Variants in TCF20 observed in about 807,000 individuals in gnomAD.
TCF20 encodes transcription factor 20.
A neutral mutation model predicts 148.6 loss-of-function variants in TCF20; 3 were observed. The observed-to-expected ratio is 0.02, with a 90% confidence interval of 0.01 to 0.05. The LOEUF (loss-of-function observed/expected upper bound fraction) is 0.05. Among genes scored for constraint, TCF20 ranks in the 10% least tolerant of loss-of-function variants. The pLI is 1.00. For missense variants in TCF20, 2,350 were observed against 2,429.3 expected (o/e 0.97, Z 0.69); for synonymous variants, 1,049 against 909.5 (o/e 1.15, Z -2.76).
At chr22:42,222,488 A>ACC (rs55916969) in intron 1 of TCF20, among the ~76,000 whole-genome samples, 3 of 150,670 alleles carry the variant, frequency 2.0e-5, no homozygotes, top group Non-Finnish European at 4.4e-5. Context: ...ACACCATCAC[A>ACC]CCCCCCCATA....
At position 42,214,727 on chromosome 22, in the gene TCF20, G is replaced by C; in HGVS notation, c.579C>G (p.Pro193=). The C allele has an allele frequency of 6.2e-7, 1 of 1,614,062 alleles. No homozygotes were observed. Among genetic ancestry groups the C allele is most frequent in the Non-Finnish European group, 8.5e-7 (1 of 1,180,034 alleles). The change falls in exon 2 of 6, where the codon CCC becomes CCG. Residue 193 remains proline (P), a synonymous_variant. Coordinates refer to ENST00000677622, the MANE Select transcript of TCF20 (RefSeq NM_001378418.1). ...CTGGTTGGCCAGTGGCCTGTGGCAG[G>C]GGCTGATGGGACTGGTAAAGCTGTT... The part of the protein sequence containing the change: ...LRQQLYQSHQ[P]LPQATGQPAS...
In TCF20 at chr22:42,211,091, T is replaced by C. The variant is rs747094395; in HGVS notation, c.4215A>G (p.Ile1405Met). 7 of 1,614,068 alleles carry C rather than the reference T, an allele frequency of 4.3e-6. No individual in the cohort carries two copies. The highest frequency in any genetic ancestry group is 1.6e-4 in the Middle Eastern group (1 of 6,084). Residue 1405 changes from isoleucine to methionine, a missense_variant, in exon 2 of 6, where the codon ATA becomes ATG. Ile to Met is a conservative substitution (Grantham distance 10, BLOSUM62 1). Transcript: ENST00000677622. ...AAGCCACCTCACCTTTTCTCTTCTC[T>C]ATGTCAGCATCCTGAACAGCAACAC... ...GGSVAVQDAD[I>M]EKRKGEVASD...
intron 1 of TCF20, among the ~76,000 whole-genome samples, chr22:42,244,774 T>C (rs1195466946): frequency 6.6e-6 from 1 of 152,008 alleles, no homozygotes; most frequent in Non-Finnish European, 1.5e-5. Flanking sequence ...GTCACGTGAA[T>C]TTCATATCAA....
intron 1 of TCF20, among the ~76,000 whole-genome samples, chr22:42,269,524 G>A (rs1267878849): frequency 6.6e-6 from 1 of 152,246 alleles, no homozygotes. Context: ...TGCACCTCCC[G>A]CCGTAGCCTG....
rs1921597288 is a variant in TCF20, at chr22:42,215,127, C to T, written c.179G>A (p.Arg60Gln). The T allele has an allele frequency of 3.1e-6, 5 of 1,614,074 alleles. No individual in the cohort carries two copies. Among genetic ancestry groups the T allele is most frequent in the Non-Finnish European group, 4.2e-6 (5 of 1,179,992 alleles). The stretch of plus-strand genomic sequence containing the variant: ...CGCTGCCGCAGCAGCTGCTGCTCCT[C>T]GTCGTCCACCACCACTGCCACTGCC... ...SSGSGSGGGRRGAAAAAAAMA... is the reference protein window; with the variant it reads ...SSGSGSGGGRQGAAAAAAAMA... The change falls in exon 2 of 6, where the codon CGA becomes CAA. Residue 60 changes from arginine to glutamine, a missense_variant. Physicochemically the swap from Arg to Gln is conservative, Grantham distance 43. Transcript: ENST00000677622.
At chr22:42,257,750 A>C (rs1167640975) in intron 1 of TCF20, among the ~76,000 whole-genome samples, 1 of 152,168 alleles carries the variant, frequency 6.6e-6, no homozygotes, top group African/African-American at 2.4e-5. Flanking sequence ...CTCTGGCTGG[A>C]GTTGAGAAGA....
At chr22:42,221,832 G>A (rs1031490187) in intron 1 of TCF20, among the ~76,000 whole-genome samples, 7 of 140,088 alleles carry the variant, frequency 5.0e-5, no homozygotes, top group Non-Finnish European at 9.1e-5. Context: ...TCCGCCTCCC[G>A]GGTTCACGTC....
At chr22:42,250,111 G>A (rs1290207227) in intron 1 of TCF20, among the ~76,000 whole-genome samples, 2 of 151,968 alleles carry the variant, frequency 1.3e-5, no homozygotes, top group African/African-American at 4.8e-5. Flanking sequence ...CTCCAGCATG[G>A]GCAACATAGC....
chr22:42,242,064 T>C (rs1924450799), intron 1 of TCF20, among the ~76,000 whole-genome samples: 3 of 150,468 alleles, frequency 2.0e-5, no homozygotes, highest in Non-Finnish European at 4.4e-5. Flanking sequence ...TAGCCAGGCG[T>C]GGTAATAAGT....
intron 2 of TCF20, among the ~76,000 whole-genome samples, chr22:42,198,799 C>T (rs1351462873): frequency 6.6e-6 from 1 of 151,762 alleles, no homozygotes; most frequent in Non-Finnish European, 1.5e-5. Flanking sequence ...GTAGCTGGGA[C>T]TACAGGCGCC....
intron 2 of TCF20, among the ~76,000 whole-genome samples, chr22:42,200,265 G>T (rs1937909848): frequency 6.6e-6 from 1 of 152,090 alleles, no homozygotes; most frequent in Admixed American, 6.6e-5. Flanking sequence ...CTCGCCCACT[G>T]ACTTGCTGGA....
At position 42,338,259 on chromosome 22, in the gene TCF20, C is replaced by T. The variant is rs888827540; in HGVS notation, c.-37+5220G>A. Reference sequence around the variant, plus strand: ...CTCCGTGACAGCCCCAGAAGAGGGCCGGAGAAACTTTTCGTCTGAATGGAG... The same window carrying T: ...CTCCGTGACAGCCCCAGAAGAGGGCTGGAGAAACTTTTCGTCTGAATGGAG... On this transcript the variant is annotated intron_variant, in intron 1 of 1. Transcript: ENST00000515426. The surrounding 1 kb of genome is among the most constrained non-coding windows in gnomAD (Gnocchi z 4.0). 1.3e-5 allele frequency among the ~76,000 whole-genome samples: 2 copies of T among 152,234 alleles called. No homozygotes were observed. The highest frequency in any genetic ancestry group is 2.9e-5 in the Non-Finnish European group (2 of 68,048).
In TCF20 at chr22:42,338,237, C is replaced by G. The variant is rs1342137136; in HGVS notation, c.-37+5242G>C. 6.6e-6 allele frequency among the ~76,000 whole-genome samples: 1 copy of G among 152,248 alleles called. No individual in the cohort carries two copies. On this transcript the variant is annotated intron_variant, in intron 1 of 1. Coordinates refer to the TCF20 transcript ENST00000515426. This position sits in a 1 kb window ranked among gnomAD's most constrained non-coding sequence, Gnocchi z 4.0. ...GCAGCTGGGTCCCCAGTGCCCGCTC[C>G]GTGACAGCCCCAGAAGAGGGCCGGA... is the stretch of plus-strand genomic sequence containing the variant.
At chr22:42,277,243 C>T (rs1260540056) in intron 1 of TCF20, among the ~76,000 whole-genome samples, 2 of 152,232 alleles carry the variant, frequency 1.3e-5, no homozygotes, top group African/African-American at 2.4e-5. Flanking sequence ...ACTCTTAACA[C>T]TTATTCATTC....
chr22:42,277,997 C>T (rs189235628), intron 1 of TCF20, among the ~76,000 whole-genome samples: 4 of 152,368 alleles, frequency 2.6e-5, no homozygotes, highest in South Asian at 2.1e-4. Context: ...AGACGCTTAT[C>T]AGCATTTCCC....
At chr22:42,188,293 C>CAA (rs58945649) in intron 2 of TCF20, among the ~76,000 whole-genome samples, 1,036 of 49,398 alleles carry the variant, frequency 0.021, 156 homozygotes, top group Admixed American at 0.059. Flanking sequence ...AACTCCGTCT[C>CAA]AAAAAAAAAA....
chr22:42,223,499 T>G (rs1178443577), intron 1 of TCF20, among the ~76,000 whole-genome samples: 1 of 152,226 alleles, frequency 6.6e-6, no homozygotes, highest in Non-Finnish European at 1.5e-5. Flanking sequence ...CACTATCAGG[T>G]GCTTTACACA....
intron 2 of TCF20, among the ~76,000 whole-genome samples, chr22:42,200,857 C>T (rs1264670762): frequency 6.6e-6 from 1 of 152,152 alleles, no homozygotes; most frequent in Non-Finnish European, 1.5e-5. Context: ...GTACATGTGA[C>T]TTACACGCTT....
chr22:42,324,079 G>GTGGTGGTGATGGTGGTTA (rs1927814298), intron 1 of TCF20, among the ~76,000 whole-genome samples: 4 of 141,454 alleles, frequency 2.8e-5, no homozygotes, highest in South Asian at 2.2e-4. Context: ...TATGGTGGTG[G>GTGGTGGTGATGGTGGTTA]TGGTGGTGGT....
Sources: gnomAD v4.1 joint callset for allele counts (sites outside exome capture counted in the v4.1 genomes callset) on GRCh38, gnomAD v4.1.1 for gene constraint, Gnocchi (gnomAD v3.1) non-coding constraint, MANE v1.5 for transcripts, NCBI Gene and HGNC (gene_info 2026-07-23, HGNC 2026-07-21) for gene names.